Variants in PDS5B observed in about 807,000 individuals in gnomAD.
The protein encoded by PDS5B is PDS5 cohesin associated factor B.
PDS5B carries 51 observed loss-of-function variants against 184.1 expected under a neutral mutation model. The observed-to-expected ratio is 0.28, with a 90% CI of 0.22 to 0.35. The LOEUF (loss-of-function observed/expected upper bound fraction) is 0.35. PDS5B is among the 10% of genes least tolerant of loss of function. The pLI, the probability that PDS5B is intolerant of heterozygous loss-of-function variation, is 1.00. For missense variants in PDS5B, 1,180 were observed against 1,723.3 expected (o/e 0.68, Z 5.58); for synonymous variants, 566 against 569.2 (o/e 0.99, Z 0.08).
At chr13:32,685,295 G>A (rs920762693) in intron 11 of PDS5B, among the ~76,000 whole-genome samples, 3 of 152,226 alleles carry the variant, frequency 2.0e-5, no homozygotes, top group East Asian at 1.9e-4. Context: ...TGAATATTTC[G>A]TTGTGGTATT....
intron 7 of PDS5B, among the ~76,000 whole-genome samples, chr13:32,672,459 T>C (rs1447036750): frequency 6.6e-6 from 1 of 152,108 alleles, no homozygotes; most frequent in East Asian, 1.9e-4. Context: ...CACATGTATA[T>C]GTATGAGAGG....
At chr13:32,742,857 T>A in intron 23 of PDS5B, 130 bp downstream of exon 23, 1 of 803,062 alleles carries the variant, frequency 1.2e-6, no homozygotes, top group Non-Finnish European at 2.0e-6. Flanking sequence ...GCATATATTT[T>A]TACTGGAATA....
intron 3 of PDS5B, among the ~76,000 whole-genome samples, chr13:32,655,374 A>ATTTTTTTTTTTTTT (rs1228814649): frequency 2.8e-5 from 2 of 72,466 alleles, no homozygotes; most frequent in Non-Finnish European, 2.2e-5. Flanking sequence ...ATATATATAT[A>ATTTTTTTTTTTTTT]TTTTTTTTTT....
chr13:32,678,182 C>T (rs1355603048), intron 9 of PDS5B, among the ~76,000 whole-genome samples: 2 of 152,110 alleles, frequency 1.3e-5, no homozygotes, highest in Non-Finnish European at 2.9e-5. Flanking sequence ...TAGCAAATTA[C>T]AGGAAAAAGA....
intron 1 of PDS5B, among the ~76,000 whole-genome samples, chr13:32,635,961 G>T (rs1047258689): frequency 6.6e-6 from 1 of 151,520 alleles, no homozygotes; most frequent in Non-Finnish European, 1.5e-5. Flanking sequence ...AGTAGAGACG[G>T]GGTTTCACCG....
intron 17 of PDS5B, among the ~76,000 whole-genome samples, chr13:32,705,293 A>G (rs1951977821): frequency 6.6e-6 from 1 of 152,192 alleles, no homozygotes; most frequent in African/African-American, 2.4e-5. Flanking sequence ...TCTAGGTTAA[A>G]AAATCTTGGG....
At chr13:32,655,374 A>ATATATATATATT in intron 3 of PDS5B, among the ~76,000 whole-genome samples, 1 of 72,484 alleles carries the variant, frequency 1.4e-5, no homozygotes, top group Non-Finnish European at 2.2e-5. Flanking sequence ...ATATATATAT[A>ATATATATATATT]TTTTTTTTTT....
At chr13:32,602,825 A>T (rs2057998911) in intron 1 of PDS5B, among the ~76,000 whole-genome samples, 1 of 152,042 alleles carries the variant, frequency 6.6e-6, no homozygotes, top group South Asian at 2.1e-4. Context: ...TGTGGTTTTG[A>T]TTTGCATTTC....
Position 32,770,334 on chromosome 13 carries a change from G to A in PDS5B, c.3838G>A (p.Glu1280Lys). The change falls in exon 32 of 35, where the codon GAA (glutamate) becomes AAA (lysine). Residue 1280 changes from glutamate to lysine, a missense_variant. By Grantham distance (56) the Glu-to-Lys change is moderately conservative (BLOSUM62 1). Around this residue, in one of 11 missense-constraint regions of PDS5B, gnomAD observed 465 missense variants for 497.8 expected, o/e 0.93. Coordinates refer to ENST00000315596, the MANE Select transcript of PDS5B (RefSeq NM_015032.4). ...LKEDILENED[E>K]QNSPPKKGKR... Reference sequence around the variant, plus strand: ...AGAAGATATATTAGAAAATGAAGATGAACAGAATAGTCCGCCAAAAAAGGG... The same window carrying A: ...AGAAGATATATTAGAAAATGAAGATAAACAGAATAGTCCGCCAAAAAAGGG... The A allele has an allele frequency of 6.2e-7, 1 of 1,613,352 alleles. No homozygotes were observed. The highest frequency in any genetic ancestry group is 1.3e-5 in the African/African-American group (1 of 74,784).
chr13:32,692,607 AT>A (rs1265192793), intron 13 of PDS5B, among the ~76,000 whole-genome samples: 2 of 151,604 alleles, frequency 1.3e-5, no homozygotes, highest in Admixed American at 1.3e-4. Context: ...GTGGGAACTA[AT>A]TGTCTATTTA....
At chr13:32,672,290 T>G (rs1294626054) in intron 7 of PDS5B, among the ~76,000 whole-genome samples, 2 of 123,070 alleles carry the variant, frequency 1.6e-5, no homozygotes, top group African/African-American at 6.3e-5. Flanking sequence ...TGTACTAAGG[T>G]GAACAAGCTA....
chr13:32,750,785 A>G (rs949362066), intron 24 of PDS5B, among the ~76,000 whole-genome samples: 1 of 151,784 alleles, frequency 6.6e-6, no homozygotes, highest in African/African-American at 2.4e-5. Context: ...CAGGTGATCC[A>G]CTTGCCTTGG....
At chr13:32,720,014 T>G (rs565633503) in intron 19 of PDS5B, among the ~76,000 whole-genome samples, 7 of 152,324 alleles carry the variant, frequency 4.6e-5, no homozygotes, top group African/African-American at 1.4e-4. Flanking sequence ...GCGGGGCTGG[T>G]CTCTGTCTCC....
At chr13:32,714,493 C>T (rs1366708269) in intron 19 of PDS5B, among the ~76,000 whole-genome samples, 1 of 152,116 alleles carries the variant, frequency 6.6e-6, no homozygotes, top group Admixed American at 6.5e-5. Flanking sequence ...AGCCTAGGAG[C>T]GCTATGGGAG....
intron 1 of PDS5B, among the ~76,000 whole-genome samples, chr13:32,631,437 A>G (rs1300845537): frequency 6.6e-6 from 1 of 152,090 alleles, no homozygotes; most frequent in Admixed American, 6.6e-5. Context: ...ATACATTGAC[A>G]TTTGTTGTCT....
chr13:32,636,233 G>A (rs1216244391), intron 1 of PDS5B, among the ~76,000 whole-genome samples: 1 of 138,486 alleles, frequency 7.2e-6, no homozygotes, highest in Admixed American at 6.8e-5. Flanking sequence ...ACATAGGGAT[G>A]ATTCCTACTT....
In PDS5B at chr13:32,755,963, CTT is replaced by C; in HGVS notation, c.3056+11_3056+12del. On this transcript the variant is annotated splice_region_variant and intron_variant, in intron 26 of 34. Transcript: ENST00000315596. ...AACTTAAAGATGTTAAAGAGTAAGA[CTT>C]TTTCCATCCCATTTTCATATTTTCT... The C allele has an allele frequency of 8.0e-7, 1 of 1,244,352 alleles. No homozygotes were observed. Among genetic ancestry groups the C allele is most frequent in the Non-Finnish European group, 1.2e-6 (1 of 865,038 alleles). The allele number at this position is 1,244,352 out of a possible 1,614,324, so 77.1% of individuals were successfully genotyped here.
intron 19 of PDS5B, among the ~76,000 whole-genome samples, chr13:32,720,446 C>T (rs1011294998): frequency 1.3e-5 from 2 of 151,876 alleles, no homozygotes; most frequent in African/African-American, 4.8e-5. Context: ...CATAATCTGT[C>T]ATATAGTTCA....
At chr13:32,721,670 G>A (rs55729392) in intron 19 of PDS5B, among the ~76,000 whole-genome samples, 57,803 of 143,124 alleles carry the variant, frequency 0.4, 11,596 homozygotes, top group Middle Eastern at 0.47. Context: ...CGCTCCCCAC[G>A]TCCCAGATAG....
Sources: gnomAD v4.1 joint callset for allele counts (sites outside exome capture counted in the v4.1 genomes callset) on GRCh38, gnomAD v4.1.1 for gene constraint, gnomAD v4.1.1 regional missense constraint, MANE v1.5 for transcripts, NCBI Gene and HGNC (gene_info 2026-07-23, HGNC 2026-07-21) for gene names.